Variants in TTLL3 observed in about 807,000 individuals in gnomAD.
TTLL3 encodes the protein tubulin tyrosine ligase like 3, also known as tubulin monoglycylase TTLL3.
In TTLL3, 63 loss-of-function variants were observed where a neutral mutation model predicts 75.2. The observed-to-expected ratio is 0.84, with a 90% confidence interval of 0.68 to 1.03. The LOEUF (loss-of-function observed/expected upper bound fraction) is 1.03, where lower values mean the gene tolerates loss of function less well. TTLL3 is among the 50% of genes least tolerant of loss of function. TTLL3 has a pLI of 0.00. For synonymous variants in TTLL3, 393 were observed against 418.5 expected, an observed-to-expected ratio of 0.94 and a Z score of 0.74; for missense variants, 997 against 1,069.9, an observed-to-expected ratio of 0.93 and a Z score of 0.95.
chr3:9,830,119 A>C (rs1296125142), intron 11 of TTLL3, among the ~76,000 whole-genome samples: 1 of 152,166 alleles, frequency 6.6e-6, no homozygotes, highest in Non-Finnish European at 1.5e-5. Context: ...CTGGGATTAC[A>C]GGCAGAAGCC....
chr3:9,813,642 G>A (rs1217645860), intron 4 of TTLL3, among the ~76,000 whole-genome samples: 2 of 151,952 alleles, frequency 1.3e-5, no homozygotes, highest in Non-Finnish European at 2.9e-5. Flanking sequence ...AACATTATCC[G>A]GGTGTGGTGG....
chr3:9,817,803 A>G lies in TTLL3; in HGVS notation c.559+44A>G, dbSNP rs755013936. On this transcript the variant is annotated intron_variant, in intron 6 of 13. Transcript: ENST00000685419. ...CTATGCCTGAACCTCAGGCTGACAG[A>G]GCAGGGCTGAAGCTCTGGCTCATAT... is the stretch of plus-strand genomic sequence containing the variant. 4 of 1,612,656 alleles carry G rather than the reference A, an allele frequency of 2.5e-6. No homozygotes were observed. In the South Asian group the frequency reaches 4.4e-5, roughly 18 times the overall value.
intron 8 of TTLL3, chr3:9,825,457 G>GCCCTGTCACAATGCC (rs2080943436): frequency 2.8e-6 from 1 of 354,746 alleles, no homozygotes; most frequent in South Asian, 2.2e-5. Context: ...CTGGCACATA[G>GCCCTGTCACAATGCC]TGGTGCTTTA....
Position 9,827,178 on chromosome 3 carries a change from G to T in TTLL3, c.1185G>T (p.Trp395Cys), listed in dbSNP as rs574627122. The stretch of plus-strand genomic sequence containing the variant: ...CTGACTGGAACCCACTTACCGTGTG[G>T]TTCTACCGCGACAGCTATATCCGCT... ...LVTDWNPLTV[W>C]FYRDSYIRFS... Residue 395 changes from tryptophan (W) to cysteine (C), a missense_variant, in exon 10 of 14, where the codon TGG (tryptophan) becomes TGT (cysteine). Transcript: ENST00000685419. 16 of 1,614,236 alleles carry T rather than the reference G, an allele frequency of 9.9e-6. No homozygotes were observed. Among genetic ancestry groups the T allele is most frequent in the African/African-American group, 1.3e-5 (1 of 75,066 alleles).
At position 9,833,245 on chromosome 3, in the gene TTLL3, G is replaced by A. The variant is rs1410317517; in HGVS notation, c.1825G>A (p.Ala609Thr). Reference sequence around the variant, plus strand: ...GCTGACCCAGCGAGGCTCTGGGGAAGGCAAGGACTCGGGGACCCCTACCCA... The same window carrying A: ...GCTGACCCAGCGAGGCTCTGGGGAAAGCAAGGACTCGGGGACCCCTACCCA... ...PLLTQRGSGE[A>T]RHHFPSLHTK... Residue 609 changes from alanine to threonine, a missense_variant and splice_region_variant, in exon 12 of 14, where the codon GCC becomes ACC. Transcript: ENST00000685419. The A allele has an allele frequency of 2.5e-6, 4 of 1,613,846 alleles. No individual in the cohort carries two copies. The highest frequency in any genetic ancestry group is 3.3e-4 in the Middle Eastern group (2 of 5,988).
At chr3:9,812,796 A>G (rs2079474880) in intron 2 of TTLL3, 147 bp from the exon 3 acceptor site, 3 of 911,696 alleles carry the variant, frequency 3.3e-6, no homozygotes, top group African/African-American at 1.7e-5. Flanking sequence ...TTATTTCTCT[A>G]CTTATTTATA....
intron 2 of TTLL3, among the ~76,000 whole-genome samples, chr3:9,812,316 A>G (rs565946135): frequency 6.6e-6 from 1 of 152,168 alleles, no homozygotes; most frequent in Non-Finnish European, 1.5e-5. Context: ...GGAGTTCAAG[A>G]CCAGCGTGGC....
Position 9,820,699 on chromosome 3 carries a change from A to T in TTLL3, c.812A>T (p.Glu271Val). Residue 271 changes from glutamate (E) to valine (V), a missense_variant, in exon 8 of 14, where the codon GAG becomes GTG. Transcript: ENST00000685419. Reference protein sequence around the residue: ...DLEAPLYLTPEGWSLFLQRYY... With the variant: ...DLEAPLYLTPVGWSLFLQRYY... ...GAGGCCCCGCTGTACCTCACCCCCG[A>T]GGGCTGGTCCCTCTTCCTCCAGCGC... is the stretch of plus-strand genomic sequence containing the variant. 6.2e-7 allele frequency: 1 copy of T among 1,614,118 alleles called. No homozygotes were observed. The highest frequency in any genetic ancestry group is 8.5e-7 in the Non-Finnish European group (1 of 1,180,020).
At chr3:9,822,506 T>G (rs111776477) in intron 8 of TTLL3, among the ~76,000 whole-genome samples, 28 of 151,814 alleles carry the variant, frequency 1.8e-4, no homozygotes, top group African/African-American at 6.5e-4. Flanking sequence ...ATGACCAGCA[T>G]TCATTCATTC....
At chr3:9,821,626 C>CT (rs2080417249) in intron 8 of TTLL3, among the ~76,000 whole-genome samples, 1 of 152,222 alleles carries the variant, frequency 6.6e-6, no homozygotes, top group Admixed American at 6.5e-5. Context: ...TGCATCTTTT[C>CT]TAAATGCCAG....
intron 13 of TTLL3, 51 bp from the exon 14 acceptor site, chr3:9,835,043 C>T (rs1485377504): frequency 8.2e-6 from 13 of 1,587,892 alleles, no homozygotes; most frequent in Non-Finnish European, 1.1e-5. Context: ...GAAGCCCCTT[C>T]CTCCACAGAC....
chr3:9,812,801 T>G, intron 2 of TTLL3, 142 bp from the exon 3 acceptor site: 1 of 970,460 alleles, frequency 1.0e-6, no homozygotes, highest in Non-Finnish European at 1.4e-6. Context: ...TCTCTACTTA[T>G]TTATAGTCTG....
At chr3:9,812,241 T>C (rs1049900525) in intron 2 of TTLL3, among the ~76,000 whole-genome samples, 4 of 151,802 alleles carry the variant, frequency 2.6e-5, no homozygotes, top group Non-Finnish European at 5.9e-5. Flanking sequence ...GGGCACCAGA[T>C]GAGGTGGCTG....
At chr3:9,826,858 G>A in intron 9 of TTLL3, 139 bp from the exon 10 acceptor site, 2 of 1,461,614 alleles carry the variant, frequency 1.4e-6, no homozygotes, top group Non-Finnish European at 1.8e-6. Context: ...TTCCCAAAGG[G>A]AACTGGGTTC....
chr3:9,822,386 G>C (rs1170912063), intron 8 of TTLL3, among the ~76,000 whole-genome samples: 1 of 151,756 alleles, frequency 6.6e-6, no homozygotes, highest in African/African-American at 2.4e-5. Context: ...TTTTATTTCT[G>C]GTGTGTGGGG....
At chr3:9,827,427 C>A in intron 10 of TTLL3, 187 bp downstream of exon 10, 1 of 1,078,822 alleles carries the variant, frequency 9.3e-7, no homozygotes, top group Non-Finnish European at 1.3e-6. Context: ...AGACAGGGGG[C>A]GGTCTCACTC....
In TTLL3 at chr3:9,833,260, A is replaced by G; in HGVS notation, c.1825+15A>G. 1 of 1,612,726 alleles carries G rather than the reference A, an allele frequency of 6.2e-7. No homozygotes were observed. Among genetic ancestry groups the G allele is most frequent in the Non-Finnish European group, 8.5e-7 (1 of 1,179,696 alleles). On this transcript the variant is annotated intron_variant, in intron 12 of 13. Transcript: ENST00000685419. Reference sequence around the variant, plus strand: ...CTCTGGGGAAGGCAAGGACTCGGGGACCCCTACCCACAGGTCAGCTTCTAG... The same window carrying G: ...CTCTGGGGAAGGCAAGGACTCGGGGGCCCCTACCCACAGGTCAGCTTCTAG...
At chr3:9,813,670 A>G (rs11131189) in intron 4 of TTLL3, among the ~76,000 whole-genome samples, 57,688 of 152,084 alleles carry the variant, frequency 0.38, 12,748 homozygotes, top group Non-Finnish European at 0.5. Flanking sequence ...CTGTAGTCCC[A>G]GCTACTCGGG....
rs1456483273 is a variant in TTLL3 at position 9,810,884 on chromosome 3, C to T, written c.48+175C>T. Among the ~76,000 whole-genome samples, 3 of 152,224 alleles carry T rather than the reference C, an allele frequency of 2.0e-5. No individual in the cohort carries two copies. The East Asian group carries it at 5.8e-4, about 29-fold the overall frequency. ...CCCCGTTTACCCCTTCAGCACCAAACTTCTGGGCTCCCTCCACTCTGGTTC... is the reference window on the plus strand; with the variant it reads ...CCCCGTTTACCCCTTCAGCACCAAATTTCTGGGCTCCCTCCACTCTGGTTC... On this transcript the variant is annotated intron_variant, in intron 2 of 13. Transcript: ENST00000685419. The surrounding 1 kb of genome is among the most constrained non-coding windows in gnomAD (Gnocchi z 4.4).
Sources: allele counts gnomAD v4.1 joint callset (sites outside exome capture counted in the v4.1 genomes callset), GRCh38; gene constraint gnomAD v4.1.1; non-coding constraint Gnocchi (gnomAD v3.1); transcripts MANE v1.5; gene names NCBI Gene and HGNC (gene_info 2026-07-23, HGNC 2026-07-21).